PRR12: variants seen among roughly 807,000 people sequenced by gnomAD.
The protein encoded by PRR12 is proline-rich protein 12.
Under a neutral mutation model 138.0 loss-of-function variants are expected in PRR12, and 12 were observed. The ratio of observed to expected loss-of-function variants is 0.09; its 90% CI spans 0.06 to 0.14. The LOEUF (loss-of-function observed/expected upper bound fraction) is 0.14, where lower values mean the gene tolerates loss of function less well. Among genes scored for constraint, PRR12 ranks in the 10% least tolerant of loss-of-function variants. The pLI is 1.00. For missense variants in PRR12, 2,692 were observed against 2,861.3 expected, an observed-to-expected ratio of 0.94 and a Z score of 1.35; for synonymous variants, 1,567 against 1,291.7, an observed-to-expected ratio of 1.21 and a Z score of -4.57.
At position 49,595,652 on chromosome 19, in the gene PRR12, G is replaced by T. The variant is rs773670672; in HGVS notation, c.1317G>T (p.Gly439=). The change falls in exon 4 of 14, where the codon GGG becomes GGT. Residue 439 remains glycine, a synonymous_variant. Transcript: ENST00000418929. ...AGGCCTCTGGGGCTGGAGGGGCAGG[G>T]GGCCAGGCTTATTCCCCCGGTCAGC... The part of the protein sequence containing the change: ...TGKASGAGGA[G]GQAYSPGQPQ... 4 of 1,603,236 alleles carry T rather than the reference G, an allele frequency of 2.5e-6. No homozygotes were observed. In the East Asian group the frequency reaches 8.9e-5, roughly 36 times the overall value.
In PRR12 at chr19:49,621,642, G is replaced by C; in HGVS notation, c.5721+20G>C. The C allele has an allele frequency of 6.5e-7, 1 of 1,546,150 alleles. No homozygotes were observed. The highest frequency in any genetic ancestry group is 8.8e-7 in the Non-Finnish European group (1 of 1,140,390). On this transcript the variant is annotated intron_variant, in intron 11 of 13. Transcript: ENST00000418929. ...CTGCAGGTGCCTGGGGGTCTGGGCA[G>C]GGGGTGTCTGGGGCCCAGGGTCCAC...
In PRR12 at chr19:49,596,972, C is replaced by T. The variant is rs1339158801; in HGVS notation, c.2637C>T (p.Ala879=). The change falls in exon 4 of 14, where the codon GCC becomes GCT. Residue 879 remains alanine (A), a synonymous_variant. Coordinates refer to ENST00000418929, the MANE Select transcript of PRR12 (RefSeq NM_020719.3). The surrounding 1 kb of genome is among the most constrained non-coding windows in gnomAD (Gnocchi z 5.6). Reference sequence around the variant, plus strand: ...AGGAGAGCCTGGATCCGCCAGGCGCCATGCAGGAATTGCTCGGGGCTCTGG... The same window carrying T: ...AGGAGAGCCTGGATCCGCCAGGCGCTATGCAGGAATTGCTCGGGGCTCTGG... ...RPEESLDPPG[A]MQELLGALEP... 6.4e-7 allele frequency: 1 copy of T among 1,556,060 alleles called. No individual in the cohort carries two copies. The highest frequency in any genetic ancestry group is 1.9e-5 in the Admixed American group (1 of 52,114).
intron 6 of PRR12, among the ~76,000 whole-genome samples, chr19:49,613,578 G>A (rs1481782024): frequency 1.3e-5 from 2 of 152,164 alleles, no homozygotes; most frequent in East Asian, 3.9e-4. Flanking sequence ...TTGTGGGGCA[G>A]GGGGAGCAGA....
intron 1 of PRR12, among the ~76,000 whole-genome samples, chr19:49,592,693 C>G (rs2080736789): frequency 6.6e-6 from 1 of 152,104 alleles, no homozygotes; most frequent in Non-Finnish European, 1.5e-5. Context: ...GCACACATAC[C>G]TGGCATTGCA....
Position 49,597,352 on chromosome 19 carries a change from C to CGGGCCT in PRR12, c.3026_3031dup (p.Gly1009_Leu1010dup), listed in dbSNP as rs1568423401. ...GCGTCGGGAGCCGGGCCCGAGACAC[C>CGGGCCT]GGGCCTGGGCCTGGACCCCAACAAA... On this transcript the variant is annotated inframe_insertion, in exon 4 of 14. Coordinates refer to ENST00000418929, the MANE Select transcript of PRR12 (RefSeq NM_020719.3). This position sits in a 1 kb window ranked among gnomAD's most constrained non-coding sequence, Gnocchi z 6.3. 5.1e-5 allele frequency: 78 copies of CGGGCCT among 1,539,600 alleles called. No individual in the cohort carries two copies. The highest frequency in any genetic ancestry group is 3.3e-4 in the Middle Eastern group (2 of 6,018).
At chr19:49,620,768 A>AG (rs2080918277) in intron 10 of PRR12, among the ~76,000 whole-genome samples, 1 of 30,516 alleles carries the variant, frequency 3.3e-5, no homozygotes, top group Admixed American at 3.2e-4. Flanking sequence ...TGAGGGAGGA[A>AG]GGGCTGGGGG....
At chr19:49,608,196 G>A (rs2080848114) in intron 6 of PRR12, among the ~76,000 whole-genome samples, 1 of 151,916 alleles carries the variant, frequency 6.6e-6, no homozygotes. Context: ...AAGTGCTCTA[G>A]CCGACATGTC....
chr19:49,603,169 G>GAGT (rs2080821053), intron 6 of PRR12, among the ~76,000 whole-genome samples: 1 of 152,242 alleles, frequency 6.6e-6, no homozygotes. Flanking sequence ...TGGACAAATA[G>GAGT]AGTTGGATCA....
At chr19:49,591,798 C>T in intron 1 of PRR12, 58 bp downstream of exon 1, 1 of 940,352 alleles carries the variant, frequency 1.1e-6, no homozygotes, top group South Asian at 3.3e-5. Context: ...CCAGCCGGGC[C>T]GGGCCGGGCC....
At chr19:49,598,498 T>A (rs940596030) in intron 4 of PRR12, among the ~76,000 whole-genome samples, 4 of 152,196 alleles carry the variant, frequency 2.6e-5, no homozygotes, top group African/African-American at 9.6e-5. Flanking sequence ...TTTCAGGGTC[T>A]CACTGACAGA....
rs1026065347 is a variant in PRR12, at chr19:49,620,496, AG to A, written c.5623+21del. ...ACGCATGGTGAGCTGAGGCCTGGGG[AG>A]GAGGGGGGGGGGCTGACTCGGTCTG... On this transcript the variant is annotated intron_variant, in intron 10 of 13. Transcript: ENST00000418929. 84 of 1,469,438 alleles carry A rather than the reference AG, an allele frequency of 5.7e-5. No homozygotes were observed. The highest frequency in any genetic ancestry group is 7.4e-5 in the Non-Finnish European group (80 of 1,084,418). 91.0% of individuals were successfully genotyped at this position (1,469,438 alleles called of 1,614,324 possible).
In PRR12 at chr19:49,597,227, G is replaced by A. The variant is rs77535345; in HGVS notation, c.2892G>A (p.Lys964=). 0.06 allele frequency: 94,176 copies of A among 1,568,804 alleles called. 3,259 individuals carry two copies. Among genetic ancestry groups the A allele is most frequent in the South Asian group, 0.11 (9,730 of 85,538 alleles). ...GAGGGGCCGCGGACGACTACGGCAA[G>A]GCCGGGCCACCTGAGGACGAGGGGG... is the stretch of plus-strand genomic sequence containing the variant. ...FGGGAADDYG[K]AGPPEDEGDP... The change falls in exon 4 of 14, where the codon AAG becomes AAA. Residue 964 remains lysine, a synonymous_variant. Coordinates refer to ENST00000418929, the MANE Select transcript of PRR12 (RefSeq NM_020719.3). The surrounding 1 kb of genome is among the most constrained non-coding windows in gnomAD (Gnocchi z 6.3).
intron 6 of PRR12, among the ~76,000 whole-genome samples, chr19:49,606,702 G>C (rs1346888111): frequency 7.2e-6 from 1 of 139,322 alleles, no homozygotes; most frequent in Non-Finnish European, 1.5e-5. Flanking sequence ...GCTGGAGTGC[G>C]GTGGCACAAT....
intron 9 of PRR12, among the ~76,000 whole-genome samples, chr19:49,619,224 GT>G (rs34027784): frequency 6.4e-3 from 507 of 79,752 alleles, no homozygotes; most frequent in Admixed American, 7.8e-3. Context: ...CCTCCTGTGA[GT>G]TTTTTTTTTT....
At chr19:49,624,774 A>C (rs191495284) in intron 11 of PRR12, 70 bp from the exon 12 acceptor site, 42 of 1,566,404 alleles carry the variant, frequency 2.7e-5, no homozygotes, top group South Asian at 1.8e-4. Flanking sequence ...CACAGATCTG[A>C]GACCTGGCTG....
chr19:49,611,816 G>A (rs1310836167), intron 6 of PRR12, among the ~76,000 whole-genome samples: 4 of 147,426 alleles, frequency 2.7e-5, no homozygotes, highest in South Asian at 4.2e-4. Flanking sequence ...CCGGCTACTC[G>A]GGAGGCTGAG....
chr19:49,597,765 C>T lies in PRR12; in HGVS notation c.3430C>T (p.Pro1144Ser). 1 of 1,604,244 alleles carries T rather than the reference C, an allele frequency of 6.2e-7. No homozygotes were observed. The highest frequency in any genetic ancestry group is 8.5e-7 in the Non-Finnish European group (1 of 1,176,158). Residue 1144 changes from proline (P) to serine (S), a missense_variant, in exon 4 of 14, where the codon CCA becomes TCA. Pro to Ser is a moderately conservative substitution (Grantham distance 74). Transcript: ENST00000418929. This position sits in a 1 kb window ranked among gnomAD's most constrained non-coding sequence, Gnocchi z 6.3. Reference protein sequence around the residue: ...LSPLGDIDFCPPNPGPDGPRR... With the variant: ...LSPLGDIDFCSPNPGPDGPRR... Reference sequence around the variant, plus strand: ...GCCACTGGGGGACATCGACTTCTGCCCACCCAACCCAGGACCCGATGGCCC... The same window carrying T: ...GCCACTGGGGGACATCGACTTCTGCTCACCCAACCCAGGACCCGATGGCCC...
chr19:49,623,745 G>T (rs1324114394), intron 11 of PRR12, among the ~76,000 whole-genome samples: 1 of 151,358 alleles, frequency 6.6e-6, no homozygotes, highest in African/African-American at 2.5e-5. Context: ...GGTTAGGATG[G>T]GGCCGAGAAT....
At chr19:49,624,189 G>C (rs1024409066) in intron 11 of PRR12, among the ~76,000 whole-genome samples, 2 of 145,068 alleles carry the variant, frequency 1.4e-5, no homozygotes, top group African/African-American at 5.1e-5. Context: ...GAGAATTCTG[G>C]GATAGGATAG....
Sources: allele counts gnomAD v4.1 joint callset (sites outside exome capture counted in the v4.1 genomes callset), GRCh38; gene constraint gnomAD v4.1.1; non-coding constraint Gnocchi (gnomAD v3.1); transcripts MANE v1.5; gene names NCBI Gene and HGNC (gene_info 2026-07-23, HGNC 2026-07-21).